The following PRKRA variants were observed in gnomAD, a reference collection of about 807,000 sequenced individuals.
The protein encoded by PRKRA is interferon-inducible double-stranded RNA-dependent protein kinase activator A.
Under a neutral mutation model 32.4 loss-of-function variants are expected in PRKRA, and 22 were observed. That is an observed-to-expected ratio of 0.68 (90% CI 0.49 to 0.97). The LOEUF (loss-of-function observed/expected upper bound fraction) is 0.97, where lower values mean the gene tolerates loss of function less well. Among genes scored for constraint, PRKRA ranks in the 50% least tolerant of loss-of-function variants. The probability of loss-of-function intolerance (pLI) is 0.00; values close to 1 mark genes in which losing one functional copy is unlikely to be tolerated. For missense variants in PRKRA, 319 were observed against 375.6 expected (o/e 0.85, Z 1.25); for synonymous variants, 139 against 129.8 (o/e 1.07, Z -0.48).
chr2:178,440,894 T>C (rs1459234632), intron 6 of PRKRA, among the ~76,000 whole-genome samples: 1 of 152,232 alleles, frequency 6.6e-6, no homozygotes, highest in Non-Finnish European at 1.5e-5. Flanking sequence ...TAGGGGTCCC[T>C]TTAAGATTTA....
In PRKRA at chr2:178,450,678, G is replaced by A. The variant is rs1697562477; in HGVS notation, c.66-267C>T. The A allele has an allele frequency of 3.5e-6, 5 of 1,417,946 alleles. No individual in the cohort carries two copies. The South Asian group carries it at 4.8e-5, about 13-fold the overall frequency. 87.8% of individuals were successfully genotyped at this position (1,417,946 alleles called of 1,614,324 possible). ...GATTCTCAACAGAACAGGGCTGGCA[G>A]CAGCGCCGCAGCCTCTCAGGGAAAA... is the stretch of plus-strand genomic sequence containing the variant. On this transcript the variant is annotated intron_variant, in intron 1 of 7. Coordinates refer to ENST00000325748, the MANE Select transcript of PRKRA (RefSeq NM_003690.5).
chr2:178,446,866 G>A (rs552281391), intron 3 of PRKRA, among the ~76,000 whole-genome samples: 7 of 151,092 alleles, frequency 4.6e-5, no homozygotes, highest in Admixed American at 6.6e-5. Flanking sequence ...AGTGGCGGGC[G>A]CCTGTAGTCC....
intron 7 of PRKRA, among the ~76,000 whole-genome samples, chr2:178,435,383 C>CAAAA (rs765962501): frequency 9.8e-5 from 6 of 61,426 alleles, no homozygotes; most frequent in East Asian, 4.2e-4. Context: ...TACTCCGTCT[C>CAAAA]AAAAAAAAAA....
At chr2:178,444,981 CAG>C (rs1559357380) in intron 3 of PRKRA, among the ~76,000 whole-genome samples, 1 of 152,104 alleles carries the variant, frequency 6.6e-6, no homozygotes, top group East Asian at 1.9e-4. Context: ...ATACAAAAAA[CAG>C]AAGAGTAACA....
At chr2:178,447,847 G>A (rs1240989933) in intron 2 of PRKRA, among the ~76,000 whole-genome samples, 5 of 152,104 alleles carry the variant, frequency 3.3e-5, no homozygotes, top group Admixed American at 3.3e-4. Context: ...ATGCATACCT[G>A]CATAAAAATC....
intron 7 of PRKRA, chr2:178,433,464 C>T (rs1696752842): frequency 6.6e-6 from 1 of 152,118 alleles, no homozygotes; most frequent in East Asian, 1.9e-4. Context: ...TTTATATTCC[C>T]ACCAGCAACG....
At chr2:178,437,451 T>C (rs1406689388) in intron 6 of PRKRA, among the ~76,000 whole-genome samples, 2 of 152,240 alleles carry the variant, frequency 1.3e-5, no homozygotes, top group Non-Finnish European at 2.9e-5. Flanking sequence ...TTTTCTTTTA[T>C]CAGTGCACAT....
chr2:178,444,793 A>G (rs1263101775), intron 3 of PRKRA, among the ~76,000 whole-genome samples: 1 of 152,216 alleles, frequency 6.6e-6, no homozygotes, highest in Non-Finnish European at 1.5e-5. Context: ...TTTACCATAA[A>G]TTATATACTC....
intron 6 of PRKRA, among the ~76,000 whole-genome samples, chr2:178,438,401 C>T (rs1696987113): frequency 6.6e-6 from 1 of 152,068 alleles, no homozygotes; most frequent in Admixed American, 6.5e-5. Context: ...TTGAATAATC[C>T]ATCCTCTCAC....
rs1366676148 is a variant in PRKRA, at chr2:178,450,734, G to C, written c.65+232C>G. On this transcript the variant is annotated intron_variant, in intron 1 of 7. Transcript: ENST00000325748. ...CGATCCCTTCCCGGGCGCGCCGACCGAGCGTCACCTCCGCCCGCCCCGCGC... is the reference window on the plus strand; with the variant it reads ...CGATCCCTTCCCGGGCGCGCCGACCCAGCGTCACCTCCGCCCGCCCCGCGC... 9.5e-6 allele frequency: 13 copies of C among 1,365,928 alleles called. No homozygotes were observed. In the Admixed American group the frequency reaches 4.5e-4, roughly 47 times the overall value. 84.6% of individuals were successfully genotyped at this position (1,365,928 alleles called of 1,614,324 possible).
rs767922079 is a variant in PRKRA, at chr2:178,432,212, A to T, written c.827T>A (p.Leu276Gln). 1 of 1,614,254 alleles carries T rather than the reference A, an allele frequency of 6.2e-7. No individual in the cohort carries two copies. Residue 276 changes from leucine (L) to glutamine (Q), a missense_variant, in exon 8 of 8, where the codon CTG (leucine) becomes CAG (glutamine). Physicochemically the swap from Leu to Gln is moderately radical, Grantham distance 113 (BLOSUM62 -2). Coordinates refer to ENST00000325748, the MANE Select transcript of PRKRA (RefSeq NM_003690.5). Reference protein sequence around the residue: ...ANGQYQCLAELSTSPITVCHG... With the variant: ...ANGQYQCLAEQSTSPITVCHG... Reference sequence around the variant, plus strand: ...ACAGACTGTGATGGGGCTGGTGGACAGTTCAGCAAGACATTGATATTGTCC... The same window carrying T: ...ACAGACTGTGATGGGGCTGGTGGACTGTTCAGCAAGACATTGATATTGTCC...
chr2:178,450,862 G>C (rs952375144), intron 1 of PRKRA, 104 bp downstream of exon 1: 4 of 1,241,094 alleles, frequency 3.2e-6, no homozygotes, highest in South Asian at 3.6e-5. Context: ...CGTGGGCGCC[G>C]GGCACGGCTT....
At chr2:178,438,747 C>CT (rs1697003749) in intron 6 of PRKRA, 2 of 151,150 alleles carry the variant, frequency 1.3e-5, no homozygotes, top group Admixed American at 1.3e-4. Context: ...GCGTGGATCT[C>CT]TGCTCACTGC....
intron 6 of PRKRA, among the ~76,000 whole-genome samples, chr2:178,437,557 G>A (rs1465855425): frequency 1.3e-5 from 2 of 152,098 alleles, no homozygotes; most frequent in Admixed American, 1.3e-4. Context: ...TTTTGCACTT[G>A]AATGAGTTTC....
At chr2:178,447,623 C>CA (rs1158534088) in intron 2 of PRKRA, 37 bp from the exon 3 acceptor site, 1 of 905,522 alleles carries the variant, frequency 1.1e-6, no homozygotes, top group African/African-American at 1.9e-5. Flanking sequence ...CTTTATCTCC[C>CA]ACAAAAATGT....
intron 6 of PRKRA, among the ~76,000 whole-genome samples, chr2:178,441,069 C>CAA (rs1321207427): frequency 6.6e-5 from 10 of 152,224 alleles, no homozygotes; most frequent in African/African-American, 2.4e-4. Context: ...TTCTACAGGT[C>CAA]TTGGCTTAGA....
rs557426364 is a variant in PRKRA, at chr2:178,451,095, G to C, written c.-65C>G. 1.0e-4 allele frequency: 154 copies of C among 1,511,286 alleles called. No homozygotes were observed. In the East Asian group the frequency reaches 2.1e-3, roughly 21 times the overall value. The allele number at this position is 1,511,286 out of a possible 1,614,324, so 93.6% of individuals were successfully genotyped here. ...GCGGAGCGACGTGCTCGCTCCCCGG[G>C]TCGCTGGTCCCCGGGAGGAGCTCCA... On this transcript the variant is annotated 5_prime_UTR_variant, in exon 1 of 8. Coordinates refer to ENST00000325748, the MANE Select transcript of PRKRA (RefSeq NM_003690.5).
intron 6 of PRKRA, among the ~76,000 whole-genome samples, chr2:178,438,514 T>C (rs1696991726): frequency 6.6e-6 from 1 of 152,336 alleles, no homozygotes. Flanking sequence ...CCTGGCCCAG[T>C]AACTTGTCTG....
Position 178,451,126 on chromosome 2 carries a change from G to GCCACCTCCTCCGACTCCC in PRKRA, c.-114_-97dup, listed in dbSNP as rs1319237292. The GCCACCTCCTCCGACTCCC allele has an allele frequency of 3.1e-3, 4,297 of 1,383,064 alleles. 8 individuals are homozygous for GCCACCTCCTCCGACTCCC. Among genetic ancestry groups the GCCACCTCCTCCGACTCCC allele is most frequent in the Middle Eastern group, 4.4e-3 (21 of 4,722 alleles). The allele number at this position is 1,383,064 out of a possible 1,614,324, so 85.7% of individuals were successfully genotyped here. On this transcript the variant is annotated 5_prime_UTR_variant, in exon 1 of 8. Coordinates refer to ENST00000325748, the MANE Select transcript of PRKRA (RefSeq NM_003690.5). ...GGTCCCCGGGAGGAGCTCCAGCGCC[G>GCCACCTCCTCCGACTCCC]CCACCTCCTCCGACTCCCCCGCCTC... is the stretch of plus-strand genomic sequence containing the variant.
Sources: allele counts gnomAD v4.1 joint callset (sites outside exome capture counted in the v4.1 genomes callset), GRCh38; gene constraint gnomAD v4.1.1; transcripts MANE v1.5; gene names NCBI Gene and HGNC (gene_info 2026-07-23, HGNC 2026-07-21).